The following ANKRD17 variants were observed in gnomAD, a reference collection of about 807,000 sequenced individuals.
The protein encoded by ANKRD17 is ankyrin repeat domain-containing protein 17.
In ANKRD17, 19 loss-of-function variants were observed where a neutral mutation model predicts 229.7. The ratio of observed to expected loss-of-function variants is 0.08; its 90% CI spans 0.06 to 0.12. ANKRD17 has a LOEUF of 0.12. Among genes scored for constraint, ANKRD17 ranks in the 10% least tolerant of loss-of-function variants. The pLI, the probability that ANKRD17 is intolerant of heterozygous loss-of-function variation, is 1.00. For synonymous variants in ANKRD17, 1,112 were observed against 1,146.1 expected (o/e 0.97, Z 0.60); for missense variants, 2,176 against 3,176.8 (o/e 0.68, Z 7.57).
intron 1 of ANKRD17, 88 bp from the exon 2 acceptor site, chr4:73,177,621 G>A (rs530285114): frequency 4.9e-6 from 5 of 1,015,714 alleles, no homozygotes; most frequent in Non-Finnish European, 5.7e-6. Flanking sequence ...AAGCAGGGGA[G>A]GGAAAAAATA....
At chr4:73,166,931 T>G (rs1733310416) in intron 2 of ANKRD17, among the ~76,000 whole-genome samples, 1 of 152,158 alleles carries the variant, frequency 6.6e-6, no homozygotes, top group Admixed American at 6.5e-5. Context: ...AGAAAATAAT[T>G]GAAGAAATCT....
At chr4:73,179,488 G>GTGTGTGTGTGTA (rs1491132715) in intron 1 of ANKRD17, among the ~76,000 whole-genome samples, 17 of 48,216 alleles carry the variant, frequency 3.5e-4, no homozygotes, top group Admixed American at 7.4e-4. Context: ...GTGTGTGTGT[G>GTGTGTGTGTGTA]TATATATATA....
chr4:73,100,828 AAAC>A, intron 25 of ANKRD17: 1 of 984,718 alleles, frequency 1.0e-6, no homozygotes, highest in Non-Finnish European at 1.2e-6. Context: ...ATTAAAAACA[AAAC>A]AAAACAAAAC....
In ANKRD17 at chr4:73,190,310, A is replaced by G. The variant is rs913662461; in HGVS notation, c.394-12777T>C. On this transcript the variant is annotated intron_variant, in intron 1 of 33. Coordinates refer to ENST00000358602, the MANE Select transcript of ANKRD17 (RefSeq NM_032217.5). ...CTTGAACCCGGGAGGCAGAGGCTGC[A>G]GTGAGCTGAGATTGCGCCACTGCAC... Among the ~76,000 whole-genome samples, 5 of 152,146 alleles carry G rather than the reference A, an allele frequency of 3.3e-5. No individual in the cohort carries two copies. The East Asian group carries it at 7.7e-4, about 23-fold the overall frequency.
Position 73,077,052 on chromosome 4 carries a change from A to T in ANKRD17, c.7640T>A (p.Ile2547Asn). 6.2e-7 allele frequency: 1 copy of T among 1,613,228 alleles called. No individual in the cohort carries two copies. Among genetic ancestry groups the T allele is most frequent in the East Asian group, 2.2e-5 (1 of 44,852 alleles). ...TATGGGTCCTCCAGCACCATCAGGG[A>T]TAGGTGCTACTGGAGGAATCATTGC... is the stretch of plus-strand genomic sequence containing the variant. ...GNAMIPPVAPIPDGAGGPIFN... is the reference protein window; with the variant it reads ...GNAMIPPVAPNPDGAGGPIFN... The change falls in exon 33 of 34, where the codon ATC becomes AAC. Residue 2547 changes from isoleucine to asparagine, a missense_variant. Ile to Asn is a moderately radical substitution (Grantham distance 149, BLOSUM62 -3). This residue lies in a region of ANKRD17 where 159 missense variants were observed against 214.3 expected (regional missense o/e 0.74). Coordinates refer to ENST00000358602, the MANE Select transcript of ANKRD17 (RefSeq NM_032217.5).
intron 10 of ANKRD17, among the ~76,000 whole-genome samples, chr4:73,145,742 GTTC>G: frequency 6.6e-6 from 1 of 152,048 alleles, no homozygotes; most frequent in Non-Finnish European, 1.5e-5. Context: ...TATTATATAC[GTTC>G]TATTCTAGTT....
At chr4:73,233,008 C>T (rs935927535) in intron 1 of ANKRD17, among the ~76,000 whole-genome samples, 3 of 152,186 alleles carry the variant, frequency 2.0e-5, no homozygotes, top group Admixed American at 6.5e-5. Context: ...TAAGCATGAG[C>T]CTCTGTGCCC....
In ANKRD17 at chr4:73,073,600, G is replaced by C. The variant is rs995779555; in HGVS notation, c.*2631C>G. On this transcript the variant is annotated 3_prime_UTR_variant, in exon 34 of 34. Coordinates refer to ENST00000358602, the MANE Select transcript of ANKRD17 (RefSeq NM_032217.5). ...AATAAGCTATTTACCTTTTCCAAAGGAGAAAAATGACTATACGTAGTCATT... is the reference window on the plus strand; with the variant it reads ...AATAAGCTATTTACCTTTTCCAAAGCAGAAAAATGACTATACGTAGTCATT... 1 of 151,980 alleles carries C rather than the reference G, an allele frequency of 6.6e-6. No homozygotes were observed. Among genetic ancestry groups the C allele is most frequent in the African/African-American group, 2.4e-5 (1 of 41,424 alleles). The allele number at this position is 151,980 out of a possible 1,614,324, so 9.4% of individuals were successfully genotyped here.
intron 1 of ANKRD17, among the ~76,000 whole-genome samples, chr4:73,209,448 T>G (rs913970482): frequency 2.0e-5 from 3 of 152,056 alleles, no homozygotes; most frequent in Non-Finnish European, 4.4e-5. Flanking sequence ...TTATCAAATC[T>G]GACAGAAAAA....
At chr4:73,129,548 G>A (rs1384462915) in intron 16 of ANKRD17, among the ~76,000 whole-genome samples, 1 of 152,006 alleles carries the variant, frequency 6.6e-6, no homozygotes, top group East Asian at 1.9e-4. Context: ...AACATGGCAA[G>A]ACCCCATCTC....
intron 2 of ANKRD17, 124 bp from the exon 3 acceptor site, chr4:73,161,472 A>G (rs1732513877): frequency 1.1e-6 from 1 of 919,292 alleles, no homozygotes. Context: ...GTAGACATAT[A>G]TATTGGCTGC....
chr4:73,237,750 G>A (rs979455812), intron 1 of ANKRD17, among the ~76,000 whole-genome samples: 1 of 152,040 alleles, frequency 6.6e-6, no homozygotes, highest in African/African-American at 2.4e-5. Context: ...CCCAGAAAAG[G>A]ACTTAAGAGT....
chr4:73,143,940 T>A (rs1729917712), intron 11 of ANKRD17, among the ~76,000 whole-genome samples: 1 of 152,068 alleles, frequency 6.6e-6, no homozygotes, highest in South Asian at 2.1e-4. Context: ...AGAATCTCAC[T>A]GTGTTGTCCA....
intron 2 of ANKRD17, among the ~76,000 whole-genome samples, chr4:73,175,266 G>A (rs995405574): frequency 6.6e-6 from 1 of 152,122 alleles, no homozygotes; most frequent in African/African-American, 2.4e-5. Context: ...GAGCGGAAGG[G>A]GAAGAGCCCC....
At chr4:73,224,606 C>G (rs1199205414) in intron 1 of ANKRD17, among the ~76,000 whole-genome samples, 1 of 152,076 alleles carries the variant, frequency 6.6e-6, no homozygotes, top group Non-Finnish European at 1.5e-5. Flanking sequence ...CTCATAACAA[C>G]CCAGCTATGT....
At chr4:73,206,883 C>T (rs760419768) in intron 1 of ANKRD17, among the ~76,000 whole-genome samples, 2 of 152,100 alleles carry the variant, frequency 1.3e-5, no homozygotes, top group East Asian at 1.9e-4. Flanking sequence ...AGTGAAGGGG[C>T]GTGATCTCGG....
intron 1 of ANKRD17, among the ~76,000 whole-genome samples, chr4:73,238,555 T>C (rs965478412): frequency 6.6e-6 from 1 of 152,134 alleles, no homozygotes; most frequent in Non-Finnish European, 1.5e-5. Context: ...ACTAGCTACA[T>C]TCAGGTAAAG....
At chr4:73,130,963 ATAAGTTTGGTTATACCAAACT>A (rs576632460) in intron 16 of ANKRD17, among the ~76,000 whole-genome samples, 1 of 152,308 alleles carries the variant, frequency 6.6e-6, no homozygotes, top group Admixed American at 6.5e-5. Flanking sequence ...GAACCCACAA[ATAAGTTTGGTTATACCAAACT>A]TAAGCAAAAT....
chr4:73,175,124 T>C (rs1352584538), intron 2 of ANKRD17, among the ~76,000 whole-genome samples: 1 of 152,216 alleles, frequency 6.6e-6, no homozygotes, highest in Non-Finnish European at 1.5e-5. Flanking sequence ...CAGGGTAATT[T>C]ATCAAGAAAA....
Sources: gnomAD v4.1 joint callset for allele counts (sites outside exome capture counted in the v4.1 genomes callset) on GRCh38, gnomAD v4.1.1 for gene constraint, gnomAD v4.1.1 regional missense constraint, MANE v1.5 for transcripts, NCBI Gene and HGNC (gene_info 2026-07-23, HGNC 2026-07-21) for gene names.